The following ATP11A variants were observed in gnomAD, a reference collection of about 807,000 sequenced individuals.
The protein encoded by ATP11A is ATPase phospholipid transporting 11A.
A neutral mutation model predicts 154.4 loss-of-function variants in ATP11A; 81 were observed. The ratio of observed to expected loss-of-function variants is 0.52; its 90% confidence interval spans 0.44 to 0.63. The LOEUF is 0.63. ATP11A is among the 30% of genes least tolerant of loss of function. The pLI is 0.00. For missense variants in ATP11A, 1,316 were observed against 1,474.3 expected, an observed-to-expected ratio of 0.89 and a Z score of 1.76; for synonymous variants, 623 against 585.9, an observed-to-expected ratio of 1.06 and a Z score of -0.91.
chr13:112,853,003 T>G (rs2079815698), intron 18 of ATP11A, among the ~76,000 whole-genome samples: 1 of 152,020 alleles, frequency 6.6e-6, no homozygotes, highest in Non-Finnish European at 1.5e-5. Context: ...GGAGGATTGA[T>G]TAAGGCCAGG....
intron 2 of ATP11A, among the ~76,000 whole-genome samples, chr13:112,792,576 G>A (rs1405280044): frequency 6.6e-6 from 1 of 152,164 alleles, no homozygotes; most frequent in African/African-American, 2.4e-5. Context: ...AAATGCTGTC[G>A]GGTTATTTTT....
At chr13:112,809,181 C>A (rs1329828721) in intron 4 of ATP11A, among the ~76,000 whole-genome samples, 1 of 152,086 alleles carries the variant, frequency 6.6e-6, no homozygotes, top group Non-Finnish European at 1.5e-5. Context: ...GAATCATCTA[C>A]CCACTGCCAC....
At chr13:112,701,394 G>A (rs534936631) in intron 1 of ATP11A, among the ~76,000 whole-genome samples, 3 of 152,306 alleles carry the variant, frequency 2.0e-5, no homozygotes, top group East Asian at 3.9e-4. Context: ...ATAGAATACA[G>A]GAATAATCTA....
intron 16 of ATP11A, among the ~76,000 whole-genome samples, chr13:112,839,810 G>C (rs2079343789): frequency 6.6e-6 from 1 of 152,134 alleles, no homozygotes; most frequent in South Asian, 2.1e-4. Flanking sequence ...ACATGCTCTT[G>C]GCATGAGTTG....
chr13:112,820,446 G>A (rs887831451), intron 8 of ATP11A, among the ~76,000 whole-genome samples: 2 of 152,170 alleles, frequency 1.3e-5, no homozygotes, highest in African/African-American at 4.8e-5. Context: ...ATCGGTAGCC[G>A]GGGCAAGGCC....
In ATP11A at chr13:112,871,725, C is replaced by T; in HGVS notation, c.2992-10C>T. The T allele has an allele frequency of 6.2e-7, 1 of 1,612,516 alleles. No individual in the cohort carries two copies. The highest frequency in any genetic ancestry group is 8.5e-7 in the Non-Finnish European group (1 of 1,178,530). ...AAAACGAGATGACTTGGACTATTTT[C>T]CCCAAACAGATATTTGGAAACTGGA... On this transcript the variant is annotated splice_polypyrimidine_tract_variant and intron_variant, in intron 25 of 29. Coordinates refer to ENST00000375645, the MANE Select transcript of ATP11A (RefSeq NM_015205.3).
chr13:112,763,896 G>A (rs1192723089), intron 1 of ATP11A, among the ~76,000 whole-genome samples: 2 of 152,142 alleles, frequency 1.3e-5, no homozygotes, highest in African/African-American at 4.8e-5. Context: ...TCCCTAAAAT[G>A]TGTCAAATCA....
At chr13:112,852,791 G>GC (rs1233779414) in intron 18 of ATP11A, among the ~76,000 whole-genome samples, 34 of 147,060 alleles carry the variant, frequency 2.3e-4, no homozygotes, top group Middle Eastern at 3.5e-3. Context: ...TTGGCGGGGG[G>GC]GGATCTCAGT....
In ATP11A at chr13:112,785,098, C is replaced by T; in HGVS notation, c.40-37C>T. 7.1e-7 allele frequency: 1 copy of T among 1,417,014 alleles called. No homozygotes were observed. Among genetic ancestry groups the T allele is most frequent in the Non-Finnish European group, 9.3e-7 (1 of 1,077,014 alleles). The allele number at this position is 1,417,014 out of a possible 1,614,324, so 87.8% of individuals were successfully genotyped here. On this transcript the variant is annotated intron_variant, in intron 1 of 29. Coordinates refer to ENST00000375645, the MANE Select transcript of ATP11A (RefSeq NM_015205.3). This position sits in a 1 kb window ranked among gnomAD's most constrained non-coding sequence, Gnocchi z 4.8. ...TGGGCAAGAGCTTTTGATGCAGGTT[C>T]TGAGGCAGCTGCCTAACACCGCTCT... is the stretch of plus-strand genomic sequence containing the variant.
At chr13:112,810,019 G>A (rs530808780) in intron 4 of ATP11A, among the ~76,000 whole-genome samples, 56 of 152,332 alleles carry the variant, frequency 3.7e-4, no homozygotes, top group African/African-American at 1.2e-3. Flanking sequence ...GATGTTTCCC[G>A]CGTGGGTTAC....
chr13:112,832,042 C>T (rs191022557), intron 13 of ATP11A, among the ~76,000 whole-genome samples: 2,193 of 152,012 alleles, frequency 0.014, 58 homozygotes, highest in African/African-American at 0.05. Context: ...TCACACACTC[C>T]CTGACACTGT....
chr13:112,859,267 G>C lies in ATP11A; in HGVS notation c.2668-126G>C. On this transcript the variant is annotated intron_variant, in intron 22 of 29. Transcript: ENST00000375645. This position sits in a 1 kb window ranked among gnomAD's most constrained non-coding sequence, Gnocchi z 4.3. ...AGAGAAAGCTTTCTAGAACCCATTAGTGCTGTTCTGCCGCACGCTGGGTGC... is the reference window on the plus strand; with the variant it reads ...AGAGAAAGCTTTCTAGAACCCATTACTGCTGTTCTGCCGCACGCTGGGTGC... 1.3e-6 allele frequency: 1 copy of C among 780,618 alleles called. No homozygotes were observed. The highest frequency in any genetic ancestry group is 2.3e-6 in the Non-Finnish European group (1 of 430,626). 48.4% of individuals were successfully genotyped at this position (780,618 alleles called of 1,614,324 possible).
intron 1 of ATP11A, among the ~76,000 whole-genome samples, chr13:112,702,498 A>C (rs1386662743): frequency 6.6e-6 from 1 of 152,208 alleles, no homozygotes; most frequent in Non-Finnish European, 1.5e-5. Context: ...CTCTGCCCTC[A>C]GATGGCCAGG....
chr13:112,864,958 A>G (rs139374739), intron 25 of ATP11A, among the ~76,000 whole-genome samples: 1,645 of 26,316 alleles, frequency 0.063, 76 homozygotes, highest in Middle Eastern at 0.17. Flanking sequence ...GCTTCTCAGC[A>G]GGGTCCATCA....
At chr13:112,821,349 C>T (rs1594795024) in intron 8 of ATP11A, among the ~76,000 whole-genome samples, 1 of 152,192 alleles carries the variant, frequency 6.6e-6, no homozygotes, top group African/African-American at 2.4e-5. Flanking sequence ...GAGTCTCGCT[C>T]TGTCACCAGT....
chr13:112,803,133 T>C (rs912787283), intron 2 of ATP11A, among the ~76,000 whole-genome samples: 32 of 152,200 alleles, frequency 2.1e-4, no homozygotes, highest in African/African-American at 7.2e-4. Flanking sequence ...AAAATCACTT[T>C]GTAAATGTGA....
chr13:112,778,755 GGAGTAGCCGCTGGAGT>G (rs1174751653), intron 1 of ATP11A, among the ~76,000 whole-genome samples: 4 of 131,296 alleles, frequency 3.0e-5, no homozygotes, highest in East Asian at 4.6e-4. Context: ...ACTGGAGTGA[GGAGTAGCCGCTGGAGT>G]GAGTAGCCGC....
chr13:112,837,488 G>A (rs2079268724), intron 16 of ATP11A, among the ~76,000 whole-genome samples: 1 of 152,224 alleles, frequency 6.6e-6, no homozygotes, highest in Non-Finnish European at 1.5e-5. Context: ...GCAACACGCT[G>A]ACGTCACGCC....
chr13:112,878,436 C>A, intron 29 of ATP11A, 133 bp downstream of exon 29: 1 of 849,004 alleles, frequency 1.2e-6, no homozygotes, highest in South Asian at 1.5e-5. Context: ...AGCCTCACGT[C>A]GGGAAGTCCC....
Sources: gnomAD v4.1 joint callset for allele counts (sites outside exome capture counted in the v4.1 genomes callset) on GRCh38, gnomAD v4.1.1 for gene constraint, Gnocchi (gnomAD v3.1) non-coding constraint, MANE v1.5 for transcripts, NCBI Gene and HGNC (gene_info 2026-07-23, HGNC 2026-07-21) for gene names.